Variants in TBC1D21 observed in about 807,000 individuals in gnomAD.
The protein encoded by TBC1D21 is male germ cell Rab GTPase-activating protein.
Under a neutral mutation model 46.0 loss-of-function variants are expected in TBC1D21, and 38 were observed. That is an observed-to-expected ratio of 0.83 (90% CI 0.64 to 1.08). The LOEUF (loss-of-function observed/expected upper bound fraction) is 1.08, where lower values mean the gene tolerates loss of function less well. TBC1D21 is among the 50% of genes least tolerant of loss of function. The pLI is 0.00. For synonymous variants in TBC1D21, 151 were observed against 157.2 expected (o/e 0.96, Z 0.29); for missense variants, 415 against 417.9 (o/e 0.99, Z 0.06).
chr15:73,874,698 G>A (rs1193354690), intron 1 of TBC1D21, among the ~76,000 whole-genome samples: 1 of 133,482 alleles, frequency 7.5e-6, no homozygotes, highest in Non-Finnish European at 1.6e-5. Context: ...TTGTAAGAAT[G>A]CAGACTCTTG....
In TBC1D21 at chr15:73,881,740, A is replaced by G. The variant is rs2068159347; in HGVS notation, c.265A>G (p.Met89Val). The G allele has an allele frequency of 6.2e-7, 1 of 1,613,398 alleles. No homozygotes were observed. The highest frequency in any genetic ancestry group is 1.1e-5 in the South Asian group (1 of 91,038). The part of the protein sequence containing the change: ...SQDERLTVDS[M>V]RRKNYKALCQ... The stretch of plus-strand genomic sequence containing the variant: ...GGATGAGCGGCTCACGGTGGACAGC[A>G]TGAGGAGGTAGAACACTCCAGACCC... The change falls in exon 3 of 11, where the codon ATG (methionine) becomes GTG (valine). Residue 89 changes from methionine to valine, a missense_variant. Transcript: ENST00000300504.
rs1345069823 is a variant in TBC1D21, at chr15:73,886,271, G to A, written c.676+97G>A. Reference sequence around the variant, plus strand: ...AGTCCCTAATCATGGGGGGGCTGGAGAGCAGCAGAATCATTTGATTGCTTC... The same window carrying A: ...AGTCCCTAATCATGGGGGGGCTGGAAAGCAGCAGAATCATTTGATTGCTTC... On this transcript the variant is annotated intron_variant, in intron 7 of 10. Coordinates refer to ENST00000300504, the MANE Select transcript of TBC1D21 (RefSeq NM_153356.3). The A allele has an allele frequency of 7.2e-6, 8 of 1,110,282 alleles. No homozygotes were observed. In the Admixed American group the frequency reaches 1.3e-4, roughly 18 times the overall value. 68.8% of individuals were successfully genotyped at this position (1,110,282 alleles called of 1,614,324 possible). A position where few individuals can be genotyped will look rare whatever the true frequency, so the allele number is the denominator to read the frequency against.
chr15:73,906,868 A>T, the TBC1D21 span, among the ~76,000 whole-genome samples: 1 of 152,290 alleles, frequency 6.6e-6, no homozygotes, highest in South Asian at 2.1e-4. Flanking sequence ...TCATTCACCG[A>T]TGTCATGTGT....
chr15:73,877,715 A>G (rs746722433), intron 1 of TBC1D21, among the ~76,000 whole-genome samples: 1 of 152,230 alleles, frequency 6.6e-6, no homozygotes, highest in Non-Finnish European at 1.5e-5. Context: ...AGCATAGTAT[A>G]TCATCACCAA....
chr15:73,903,048 T>C, the TBC1D21 span, among the ~76,000 whole-genome samples: 1 of 152,316 alleles, frequency 6.6e-6, no homozygotes, highest in Admixed American at 6.5e-5. Flanking sequence ...GCAACAGTTT[T>C]CCCATTGTCC....
the TBC1D21 span, among the ~76,000 whole-genome samples, chr15:73,898,880 A>ATATATATATATATATATAT: frequency 1.8e-5 from 1 of 56,804 alleles, no homozygotes; most frequent in Non-Finnish European, 3.8e-5. Flanking sequence ...AAAAAAAAAA[A>ATATATATATATATATATAT]ATATATATAT....
At chr15:73,892,366 T>C (rs528506538), downstream of TBC1D21, among the ~76,000 whole-genome samples, 1 of 152,342 alleles carries the variant, frequency 6.6e-6, no homozygotes, top group African/African-American at 2.4e-5. Context: ...GCTTGCCATG[T>C]TGCAGGTGAC....
In TBC1D21 at chr15:73,886,612, G is replaced by A. The variant is rs534299038; in HGVS notation, c.777G>A (p.Glu259=). 1.2e-6 allele frequency: 2 copies of A among 1,613,318 alleles called. No homozygotes were observed. Among genetic ancestry groups the A allele is most frequent in the Non-Finnish European group, 1.7e-6 (2 of 1,179,942 alleles). ...KSFDDVWRLW[E]VLLTGKPCRN... ...TCGATGATGTCTGGAGGCTCTGGGA[G>A]GTGAGGTGTCCAGCTAGGGATCATC... The change falls in exon 8 of 11, where the codon GAG becomes GAA. Residue 259 remains glutamate, a splice_region_variant and synonymous_variant. Transcript: ENST00000300504.
At chr15:73,909,134 G>A in the TBC1D21 span, among the ~76,000 whole-genome samples, 3 of 152,342 alleles carry the variant, frequency 2.0e-5, no homozygotes, top group South Asian at 2.1e-4. Flanking sequence ...CACTTTGGGA[G>A]GCCAAGGCAG....
intron 3 of TBC1D21, among the ~76,000 whole-genome samples, chr15:73,883,107 T>G (rs1423040980): frequency 6.6e-6 from 1 of 152,220 alleles, no homozygotes; most frequent in African/African-American, 2.4e-5. Context: ...CTATGTAGCC[T>G]GGGCTGGACT....
chr15:73,887,650 T>A lies in TBC1D21; in HGVS notation c.808T>A (p.Phe270Ile), dbSNP rs1487489649. 6.2e-7 allele frequency: 1 copy of A among 1,614,078 alleles called. No individual in the cohort carries two copies. Among genetic ancestry groups the A allele is most frequent in the Non-Finnish European group, 8.5e-7 (1 of 1,179,984 alleles). The stretch of plus-strand genomic sequence containing the variant: ...GCTGACGGGGAAGCCCTGCAGGAAC[T>A]TCCAGGTGCTGGTGGCCTACAGCAT... ...VLLTGKPCRN[F>I]QVLVAYSMLQ... Residue 270 changes from phenylalanine (F) to isoleucine (I), a missense_variant, in exon 9 of 11, where the codon TTC becomes ATC. Phe to Ile is a conservative substitution (Grantham distance 21). Coordinates refer to ENST00000300504, the MANE Select transcript of TBC1D21 (RefSeq NM_153356.3).
rs746364528 is a variant in TBC1D21, at chr15:73,888,417, C to A, written c.895-13C>A. On this transcript the variant is annotated splice_polypyrimidine_tract_variant and intron_variant, in intron 9 of 10. Coordinates refer to ENST00000300504, the MANE Select transcript of TBC1D21 (RefSeq NM_153356.3). Reference sequence around the variant, plus strand: ...CCAGCCCCACCCACAACTGCTCCCACACTCCCATGCAGGCCTGCAACAACC... The same window carrying A: ...CCAGCCCCACCCACAACTGCTCCCAAACTCCCATGCAGGCCTGCAACAACC... 3.7e-6 allele frequency: 6 copies of A among 1,612,414 alleles called. No homozygotes were observed. The highest frequency in any genetic ancestry group is 4.2e-6 in the Non-Finnish European group (5 of 1,179,128).
chr15:73,876,196 T>TGGG (rs372308309), intron 1 of TBC1D21, among the ~76,000 whole-genome samples: 1 of 60,360 alleles, frequency 1.7e-5, no homozygotes, highest in South Asian at 5.5e-4. Flanking sequence ...ACTTTTTTTG[T>TGGG]GGGTTTTTTT....
the TBC1D21 span, among the ~76,000 whole-genome samples, chr15:73,908,717 G>C: frequency 2.2e-4 from 34 of 152,350 alleles, 1 homozygote; most frequent in Admixed American, 1.7e-3. Context: ...CACCTCCCAG[G>C]TGCTCATGAT....
chr15:73,892,466 T>C (rs2068344917), downstream of TBC1D21, among the ~76,000 whole-genome samples: 1 of 152,188 alleles, frequency 6.6e-6, no homozygotes, highest in Admixed American at 6.5e-5. Flanking sequence ...GACATCGTCT[T>C]TGGGGCTCTG....
intron 4 of TBC1D21, 54 bp from the exon 5 acceptor site, chr15:73,884,727 A>C: frequency 2.3e-6 from 3 of 1,317,208 alleles, no homozygotes; most frequent in Non-Finnish European, 3.3e-6. Context: ...ATTCACCCAT[A>C]GACCTGCTGG....
chr15:73,905,969 G>A, the TBC1D21 span, among the ~76,000 whole-genome samples: 1 of 152,130 alleles, frequency 6.6e-6, no homozygotes, highest in Non-Finnish European at 1.5e-5. Flanking sequence ...TGAACATTGG[G>A]AGAACTCAGG....
At chr15:73,877,553 A>AGCAC (rs2068089630) in intron 1 of TBC1D21, among the ~76,000 whole-genome samples, 1 of 89,210 alleles carries the variant, frequency 1.1e-5, no homozygotes, top group Admixed American at 1.1e-4. Flanking sequence ...AAAAAAAAGA[A>AGCAC]ATCCCTACTC....
rs1284228167 is a variant in TBC1D21 at position 73,888,577 on chromosome 15, TC to T, written c.978+66del. 658 of 1,057,864 alleles carry T rather than the reference TC, an allele frequency of 6.2e-4. 2 individuals carry two copies. The African/African-American group carries it at 9.7e-3, about 16-fold the overall frequency. The allele number at this position is 1,057,864 out of a possible 1,614,324, so 65.5% of individuals were successfully genotyped here. On this transcript the variant is annotated intron_variant, in intron 10 of 10. Transcript: ENST00000300504. The stretch of plus-strand genomic sequence containing the variant: ...CTCCTCCTCCTCTTCCTCCTCCTCC[TC>T]CTCTTCCTCCTCCTCCTCCTCCTCC...
Sources: allele counts gnomAD v4.1 joint callset (sites outside exome capture counted in the v4.1 genomes callset), GRCh38; gene constraint gnomAD v4.1.1; transcripts MANE v1.5; gene names NCBI Gene and HGNC (gene_info 2026-07-23, HGNC 2026-07-21).